SH3D19: variants seen among roughly 807,000 people sequenced by gnomAD.
The protein encoded by SH3D19 is SH3 domain containing 19, also known as SH3 domain-containing protein 19.
Under a neutral mutation model 112.1 loss-of-function variants are expected in SH3D19, and 58 were observed. That is an observed-to-expected ratio of 0.52 (90% CI 0.42 to 0.64). The LOEUF is 0.64. Ranked by LOEUF, SH3D19 falls within the 30% of genes least tolerant of loss-of-function variation. SH3D19 has a pLI of 0.00. For synonymous variants in SH3D19, 391 were observed against 448.5 expected (o/e 0.87, Z 1.62); for missense variants, 1,090 against 1,263.4 (o/e 0.86, Z 2.08).
At chr4:151,309,867 G>A (rs956277987) in intron 1 of SH3D19, among the ~76,000 whole-genome samples, 1 of 152,172 alleles carries the variant, frequency 6.6e-6, no homozygotes, top group Non-Finnish European at 1.5e-5. Flanking sequence ...GCACATACTT[G>A]TAGTCCCAGC....
intron 11 of SH3D19, 130 bp from the exon 12 acceptor site, chr4:151,144,180 T>C (rs779316532): frequency 1.7e-5 from 27 of 1,604,492 alleles, no homozygotes; most frequent in Non-Finnish European, 2.3e-5. Flanking sequence ...CCAGTAATTT[T>C]TTTTTTACAT....
chr4:151,235,197 A>C (rs1580293282), intron 1 of SH3D19, among the ~76,000 whole-genome samples: 2 of 151,002 alleles, frequency 1.3e-5, no homozygotes, highest in African/African-American at 4.9e-5. Flanking sequence ...CCCGCCCTCC[A>C]CCCTCCAGTA....
chr4:151,139,951 A>C, intron 12 of SH3D19, 104 bp from the exon 13 acceptor site: 1 of 858,496 alleles, frequency 1.2e-6, no homozygotes. Flanking sequence ...TCCTCTTGAC[A>C]CAATTACATT....
In SH3D19 at chr4:151,175,427, C is replaced by T; in HGVS notation, c.777G>A (p.Glu259=). ...GAGACTGGGGCCGGCCTGGGGATGA[C>T]TCCTCTCCTACGGCTGCTGGGCTGA... ...QKISPAAVGE[E]SSPGRPQSLL... is the part of the protein sequence containing the mutation. Residue 259 remains glutamate, a synonymous_variant, in exon 7 of 20, where the codon GAG becomes GAA. Transcript: ENST00000604030. 1 of 1,531,044 alleles carries T rather than the reference C, an allele frequency of 6.5e-7. No individual in the cohort carries two copies. Among genetic ancestry groups the T allele is most frequent in the Non-Finnish European group, 8.7e-7 (1 of 1,143,060 alleles). 94.8% of individuals were successfully genotyped at this position (1,531,044 alleles called of 1,614,324 possible). A position where few individuals can be genotyped will look rare whatever the true frequency, so the allele number is the denominator to read the frequency against.
At chr4:151,143,707 C>T (rs1753422589) in intron 12 of SH3D19, among the ~76,000 whole-genome samples, 1 of 151,872 alleles carries the variant, frequency 6.6e-6, no homozygotes, top group Non-Finnish European at 1.5e-5. Context: ...ACAGGGTAGT[C>T]ACTCTGTATC....
At chr4:151,180,769 CT>C (rs775183626) in intron 3 of SH3D19, among the ~76,000 whole-genome samples, 18 of 138,424 alleles carry the variant, frequency 1.3e-4, no homozygotes, top group East Asian at 1.1e-3. Flanking sequence ...TTCTTTATTT[CT>C]TTTTTTTTTC....
In SH3D19 at chr4:151,210,820, T is replaced by C. The variant is rs1232625838; in HGVS notation, c.152+15227A>G. On this transcript the variant is annotated intron_variant, in intron 2 of 19. Transcript: ENST00000604030. ...TTATTTTTTTCTCCTTTTTGTATTT[T>C]GACAAACTTTCTATAATAGGCACGT... 2.0e-5 allele frequency among the ~76,000 whole-genome samples: 3 copies of C among 152,230 alleles called. No individual in the cohort carries two copies. In the East Asian group the frequency reaches 5.8e-4, roughly 29 times the overall value.
At chr4:151,168,373 G>A (rs193098565) in intron 7 of SH3D19, among the ~76,000 whole-genome samples, 7 of 151,258 alleles carry the variant, frequency 4.6e-5, no homozygotes, top group Admixed American at 2.0e-4. Context: ...AATCATTCAC[G>A]GTGTCTTATC....
intron 12 of SH3D19, chr4:151,140,604 A>C (rs1428107309): frequency 6.6e-6 from 1 of 152,230 alleles, no homozygotes; most frequent in East Asian, 1.9e-4. Context: ...GTTTCTTTAT[A>C]TCAAGAGACA....
chr4:151,185,318 G>C (rs1227024080), intron 3 of SH3D19, among the ~76,000 whole-genome samples: 1 of 152,034 alleles, frequency 6.6e-6, no homozygotes, highest in Non-Finnish European at 1.5e-5. Context: ...GCCTCTTGAA[G>C]GCATAGCTTG....
intron 2 of SH3D19, among the ~76,000 whole-genome samples, chr4:151,221,800 G>A (rs2407409): frequency 0.73 from 111,393 of 152,018 alleles, 43,944 homozygotes; most frequent in Non-Finnish European, 0.89. Context: ...TACCCTCAAA[G>A]GTACCACAGC....
intron 2 of SH3D19, among the ~76,000 whole-genome samples, chr4:151,191,110 A>G (rs1762553699): frequency 6.6e-6 from 1 of 152,198 alleles, no homozygotes; most frequent in Non-Finnish European, 1.5e-5. Context: ...TCAGACTTGC[A>G]TGGGGACTGT....
At chr4:151,316,005 T>C (rs147882383) in intron 1 of SH3D19, among the ~76,000 whole-genome samples, 5 of 152,138 alleles carry the variant, frequency 3.3e-5, no homozygotes, top group East Asian at 1.9e-4. Flanking sequence ...GGTCTTGCAG[T>C]TGGGGAGGGA....
Position 151,127,660 on chromosome 4 carries a change from T to C in SH3D19, c.2985A>G (p.Leu995=), listed in dbSNP as rs1340044873. The change falls in exon 19 of 20, where the codon TTA becomes TTG. Residue 995 remains leucine (L), a synonymous_variant. Transcript: ENST00000604030. ...IVPKGRKAKA[L]YDFRGENEDE... ...CTTCATTCTCCCCTCGGAAATCATA[T>C]AAGGCTTTGGCCTTCCTCCCCTTCG... 3 of 1,606,764 alleles carry C rather than the reference T, an allele frequency of 1.9e-6. No homozygotes were observed. Among genetic ancestry groups the C allele is most frequent in the Non-Finnish European group, 2.5e-6 (3 of 1,177,602 alleles).
intron 1 of SH3D19, among the ~76,000 whole-genome samples, chr4:151,267,712 A>T (rs902576775): frequency 1.3e-5 from 2 of 152,206 alleles, no homozygotes; most frequent in African/African-American, 4.8e-5. Flanking sequence ...ATGAGAAGTG[A>T]ATAAACATAA....
rs200404569 is a variant in SH3D19 at position 151,144,238 on chromosome 4, G to A, written c.2083-188C>T. 76 of 1,613,946 alleles carry A rather than the reference G, an allele frequency of 4.7e-5. 1 individual carries two copies. The highest frequency in any genetic ancestry group is 1.8e-4 in the South Asian group (16 of 91,058). The stretch of plus-strand genomic sequence containing the variant: ...ACTTTACCTTACAAGAGAGTTCTCC[G>A]GGGTTTTGAGAGACAATATCTTCAT... On this transcript the variant is annotated intron_variant, in intron 11 of 19. Transcript: ENST00000604030.
chr4:151,157,898 TA>T (rs1388249283), intron 9 of SH3D19, among the ~76,000 whole-genome samples: 2 of 151,634 alleles, frequency 1.3e-5, no homozygotes, highest in African/African-American at 4.9e-5. Flanking sequence ...GTTGATCTCA[TA>T]GAAATAAAAA....
intron 8 of SH3D19, among the ~76,000 whole-genome samples, chr4:151,160,684 C>CTTTTT (rs35888994): frequency 6.9e-6 from 1 of 145,456 alleles, no homozygotes; most frequent in Admixed American, 6.9e-5. Flanking sequence ...CTTTCTCTCT[C>CTTTTT]TTTTTTTTTT....
At chr4:151,190,948 G>C (rs954482482) in intron 2 of SH3D19, among the ~76,000 whole-genome samples, 9 of 152,152 alleles carry the variant, frequency 5.9e-5, no homozygotes, top group African/African-American at 1.2e-4. Context: ...AAAGCAGCTG[G>C]TGGGGAGGCT....
Sources: gnomAD v4.1 joint callset for allele counts (sites outside exome capture counted in the v4.1 genomes callset) on GRCh38, gnomAD v4.1.1 for gene constraint, MANE v1.5 for transcripts, NCBI Gene and HGNC (gene_info 2026-07-23, HGNC 2026-07-21) for gene names.